Variants in ABHD18 observed in about 807,000 individuals in gnomAD.
The protein encoded by ABHD18 is abhydrolase domain containing 18, also known as cardiolipin-specific deacylase, mitochondrial.
In ABHD18, 55 loss-of-function variants were observed where a neutral mutation model predicts 65.9. That is an observed-to-expected ratio of 0.84 (90% confidence interval 0.67 to 1.05). The LOEUF (loss-of-function observed/expected upper bound fraction) is 1.05. Among genes scored for constraint, ABHD18 ranks in the 50% least tolerant of loss-of-function variants. The probability of loss-of-function intolerance (pLI) is 0.00; values close to 1 mark genes in which losing one functional copy is unlikely to be tolerated. For synonymous variants in ABHD18, 181 were observed against 180.2 expected (o/e 1.00, Z -0.04); for missense variants, 533 against 558.5 (o/e 0.95, Z 0.46).
chr4:127,975,725 A>G (rs1747783804), intron 1 of ABHD18, among the ~76,000 whole-genome samples: 1 of 152,180 alleles, frequency 6.6e-6, no homozygotes. Flanking sequence ...TTTTAGGTCT[A>G]CTTTATGGCA....
At chr4:127,971,740 G>A (rs1352509914) in intron 1 of ABHD18, among the ~76,000 whole-genome samples, 10 of 151,830 alleles carry the variant, frequency 6.6e-5, no homozygotes, top group Admixed American at 5.3e-4. Context: ...TCTGCCCCTC[G>A]GCCTCCCAAA....
At chr4:128,026,522 G>C (rs1172284004) in intron 10 of ABHD18, among the ~76,000 whole-genome samples, 1 of 150,486 alleles carries the variant, frequency 6.6e-6, no homozygotes, top group Non-Finnish European at 1.5e-5. Context: ...TATATCCTTT[G>C]CTCATTTGGG....
intron 3 of ABHD18, among the ~76,000 whole-genome samples, chr4:127,986,251 T>G (rs1749933862): frequency 6.6e-6 from 1 of 152,222 alleles, no homozygotes; most frequent in Non-Finnish European, 1.5e-5. Context: ...TGGACATTTC[T>G]TATAAATGGA....
intron 4 of ABHD18, among the ~76,000 whole-genome samples, chr4:128,008,532 C>T (rs1253069609): frequency 6.6e-6 from 1 of 151,968 alleles, no homozygotes; most frequent in Non-Finnish European, 1.5e-5. Context: ...ATATTGGCCT[C>T]CCAAAGTGCT....
At chr4:128,015,002 A>C (rs1420580010) in intron 7 of ABHD18, among the ~76,000 whole-genome samples, 2 of 151,732 alleles carry the variant, frequency 1.3e-5, no homozygotes, top group Non-Finnish European at 2.9e-5. Flanking sequence ...GCTTGAACCC[A>C]GGAGGCAGAG....
intron 7 of ABHD18, among the ~76,000 whole-genome samples, chr4:128,015,430 A>C (rs1009578578): frequency 3.3e-5 from 5 of 152,222 alleles, no homozygotes; most frequent in African/African-American, 1.2e-4. Context: ...CTAAAAGAGC[A>C]ATCTGGGGGA....
chr4:127,970,891 A>G (rs1409971709), intron 1 of ABHD18, among the ~76,000 whole-genome samples: 1 of 152,038 alleles, frequency 6.6e-6, no homozygotes, highest in Non-Finnish European at 1.5e-5. Context: ...CCTGGCCAAC[A>G]TGGTAAAACA....
At chr4:128,015,951 T>TA (rs1491423944) in intron 7 of ABHD18, among the ~76,000 whole-genome samples, 9 of 118,338 alleles carry the variant, frequency 7.6e-5, no homozygotes, top group Non-Finnish European at 1.3e-4. Context: ...ATTTAAATAC[T>TA]TTTTTTTTTT....
chr4:128,001,870 C>T, intron 4 of ABHD18: 2 of 1,216,442 alleles, frequency 1.6e-6, no homozygotes, highest in Admixed American at 3.7e-5. Flanking sequence ...TTCCTTGTGC[C>T]TGCCACTCAG....
chr4:127,982,806 A>C (rs543904588), intron 1 of ABHD18, 133 bp from the exon 2 acceptor site: 1 of 547,718 alleles, frequency 1.8e-6, no homozygotes, highest in Non-Finnish European at 3.2e-6. Context: ...CAAATCTTGT[A>C]TTTTGTTTCC....
chr4:128,026,802 T>C (rs1224636697), intron 10 of ABHD18, among the ~76,000 whole-genome samples: 1 of 151,742 alleles, frequency 6.6e-6, no homozygotes, highest in East Asian at 1.9e-4. Context: ...TTTTTTTTTT[T>C]TGAGACGGAG....
chr4:128,013,401 G>C (rs933421534), intron 7 of ABHD18, among the ~76,000 whole-genome samples: 1 of 152,022 alleles, frequency 6.6e-6, no homozygotes, highest in Admixed American at 6.6e-5. Flanking sequence ...TGGTGTGGGA[G>C]GGAAATCAAA....
At chr4:128,017,183 G>T (rs1210623667) in intron 7 of ABHD18, among the ~76,000 whole-genome samples, 180 bp from the exon 8 acceptor site, 1 of 152,180 alleles carries the variant, frequency 6.6e-6, no homozygotes, top group East Asian at 1.9e-4. Flanking sequence ...CTCCCAAAGT[G>T]CTGGGATTAC....
At chr4:127,994,903 G>T (rs115773462) in intron 4 of ABHD18, among the ~76,000 whole-genome samples, 1 of 152,064 alleles carries the variant, frequency 6.6e-6, no homozygotes, top group Non-Finnish European at 1.5e-5. Context: ...TTTTTTAGAT[G>T]GAGTCTCACT....
intron 10 of ABHD18, among the ~76,000 whole-genome samples, chr4:128,022,618 CACTT>C (rs918018428): frequency 1.3e-5 from 2 of 152,026 alleles, no homozygotes; most frequent in African/African-American, 4.8e-5. Context: ...TATAGGGAGA[CACTT>C]ACCTCATATA....
At chr4:128,024,583 CCCTTTGAT>C (rs1304689552) in intron 10 of ABHD18, among the ~76,000 whole-genome samples, 1 of 152,128 alleles carries the variant, frequency 6.6e-6, no homozygotes, top group Non-Finnish European at 1.5e-5. Flanking sequence ...AATTCGGGGA[CCCTTTGAT>C]CTTTACATTT....
intron 8 of ABHD18, among the ~76,000 whole-genome samples, chr4:128,018,084 C>T (rs1755820099): frequency 6.6e-6 from 1 of 152,144 alleles, no homozygotes; most frequent in Admixed American, 6.6e-5. Context: ...CTCTCTAGTG[C>T]TCCCTTATTC....
intron 4 of ABHD18, chr4:128,001,846 G>GTT: frequency 5.8e-5 from 61 of 1,060,102 alleles, no homozygotes; most frequent in South Asian, 9.4e-5. Flanking sequence ...GTTTTGTTTT[G>GTT]TTTTTTTTTT....
At chr4:128,010,730 A>G (rs1410469934) in intron 6 of ABHD18, among the ~76,000 whole-genome samples, 1 of 152,114 alleles carries the variant, frequency 6.6e-6, no homozygotes. Context: ...CCTGGCCAAC[A>G]TGGCAAAACC....
Sources: allele counts gnomAD v4.1 joint callset (sites outside exome capture counted in the v4.1 genomes callset), GRCh38; gene constraint gnomAD v4.1.1; transcripts MANE v1.5; gene names NCBI Gene and HGNC (gene_info 2026-07-23, HGNC 2026-07-21).